PHF2: variants seen among roughly 807,000 people sequenced by gnomAD.
PHF2 encodes the protein PHD finger protein 2.
Under a neutral mutation model 120.5 loss-of-function variants are expected in PHF2, and 27 were observed. That is an observed-to-expected ratio of 0.22 (90% confidence interval 0.17 to 0.31). The LOEUF is 0.31. Ranked by LOEUF, PHF2 falls within the 10% of genes least tolerant of loss-of-function variation. PHF2 has a pLI of 1.00. For missense variants in PHF2, 1,024 were observed against 1,434.8 expected (o/e 0.71, Z 4.63); for synonymous variants, 568 against 592.5 (o/e 0.96, Z 0.60).
intron 1 of PHF2, among the ~76,000 whole-genome samples, chr9:93,614,947 A>G (rs1441565029): frequency 6.7e-6 from 1 of 149,356 alleles, no homozygotes; most frequent in East Asian, 2.0e-4. Context: ...GGCAATGGTG[A>G]TGATGATGGT....
Position 93,663,619 on chromosome 9 carries a change from A to T in PHF2, c.1921A>T (p.Asn641Tyr), listed in dbSNP as rs1336386241. Residue 641 changes from asparagine to tyrosine, a missense_variant, in exon 14 of 22, where the codon AAC becomes TAC. Physicochemically the swap from Asn to Tyr is moderately radical, Grantham distance 143. Transcript: ENST00000359246. ...CAATAAGTTCTCTTTTTCTTTCTCCAACAAGAAACTCCTCGGGTATGTGAG... is the reference window on the plus strand; with the variant it reads ...CAATAAGTTCTCTTTTTCTTTCTCCTACAAGAAACTCCTCGGGTATGTGAG... ...KDNKFSFSFS[N>Y]KKLLGSKALR... 2 of 1,610,602 alleles carry T rather than the reference A, an allele frequency of 1.2e-6. No homozygotes were observed. The highest frequency in any genetic ancestry group is 1.1e-5 in the South Asian group (1 of 90,698).
At chr9:93,620,859 A>G (rs1244973909) in intron 1 of PHF2, among the ~76,000 whole-genome samples, 3 of 152,250 alleles carry the variant, frequency 2.0e-5, no homozygotes, top group Non-Finnish European at 2.9e-5. Flanking sequence ...AGAAAGCCCT[A>G]ATTCTGGTAC....
intron 3 of PHF2, among the ~76,000 whole-genome samples, chr9:93,643,477 CT>C (rs1826201807): frequency 6.6e-6 from 1 of 152,214 alleles, no homozygotes; most frequent in African/African-American, 2.4e-5. Flanking sequence ...CTAGTCCCCC[CT>C]GGTTTATCCT....
chr9:93,588,751 C>T (rs374087893), intron 1 of PHF2, among the ~76,000 whole-genome samples: 5 of 152,140 alleles, frequency 3.3e-5, no homozygotes, highest in South Asian at 2.1e-4. Context: ...ATTAGCTGAG[C>T]GTGTTGGTGG....
At chr9:93,670,188 A>G (rs758923875) in intron 17 of PHF2, among the ~76,000 whole-genome samples, 1 of 152,154 alleles carries the variant, frequency 6.6e-6, no homozygotes, top group Non-Finnish European at 1.5e-5. Flanking sequence ...GAGCAGAGGG[A>G]GAGGACGGCA....
chr9:93,620,609 G>C (rs1232539818), intron 1 of PHF2, among the ~76,000 whole-genome samples: 1 of 152,212 alleles, frequency 6.6e-6, no homozygotes, highest in Non-Finnish European at 1.5e-5. Context: ...AGGGGTTGAG[G>C]TTGGTTTTTT....
intron 1 of PHF2, among the ~76,000 whole-genome samples, chr9:93,624,648 T>TTGGTGATGGTGTTGG (rs1825879047): frequency 6.7e-6 from 1 of 149,498 alleles, no homozygotes; most frequent in Non-Finnish European, 1.5e-5. Flanking sequence ...TGTGGCAATG[T>TTGGTGATGGTGTTGG]TGGTGATGGT....
In PHF2 at chr9:93,655,960, G is replaced by A; in HGVS notation, c.979G>A (p.Val327Met). 1 of 1,612,858 alleles carries A rather than the reference G, an allele frequency of 6.2e-7. No individual in the cohort carries two copies. Among genetic ancestry groups the A allele is most frequent in the East Asian group, 2.2e-5 (1 of 44,850 alleles). ...CTGGATCTACGCCACACTCACCCCT[G>A]TGGACTGCCTGGCCTTCGCGGGACA... Reference protein sequence around the residue: ...SGWIYATLTPVDCLAFAGHFL... With the variant: ...SGWIYATLTPMDCLAFAGHFL... Residue 327 changes from valine (V) to methionine (M), a missense_variant, in exon 8 of 22, where the codon GTG becomes ATG. Physicochemically the swap from Val to Met is conservative, Grantham distance 21. Transcript: ENST00000359246.
chr9:93,642,347 G>A (rs550128933), intron 3 of PHF2, among the ~76,000 whole-genome samples: 6 of 152,352 alleles, frequency 3.9e-5, no homozygotes, highest in African/African-American at 1.4e-4. Flanking sequence ...TGTGGAATCT[G>A]TAGATTAGTT....
intron 7 of PHF2, among the ~76,000 whole-genome samples, chr9:93,655,016 G>A (rs527720879): frequency 6.6e-6 from 1 of 152,314 alleles, no homozygotes; most frequent in South Asian, 2.1e-4. Context: ...TAAGACAATA[G>A]TAGGGGACAT....
intron 12 of PHF2, among the ~76,000 whole-genome samples, chr9:93,662,452 T>G (rs1587714574): frequency 6.7e-6 from 1 of 148,584 alleles, no homozygotes; most frequent in Admixed American, 6.7e-5. Flanking sequence ...AATGGATGGG[T>G]AGATGGATAA....
At chr9:93,617,395 GGCT>G (rs1825746346) in intron 1 of PHF2, among the ~76,000 whole-genome samples, 6 of 152,194 alleles carry the variant, frequency 3.9e-5, no homozygotes, top group Admixed American at 3.9e-4. Flanking sequence ...TCCCCTCTGG[GGCT>G]GCCCTTGCCT....
intron 1 of PHF2, 23 bp downstream of exon 1, chr9:93,576,894 GCT>G (rs751942521): frequency 8.9e-7 from 1 of 1,118,502 alleles, no homozygotes; most frequent in South Asian, 1.8e-5. Flanking sequence ...CGGCTGCTCG[GCT>G]CGGCCCGGCC....
At chr9:93,593,105 A>AAAAG (rs1554790885) in intron 1 of PHF2, among the ~76,000 whole-genome samples, 2 of 122,716 alleles carry the variant, frequency 1.6e-5, no homozygotes, top group Non-Finnish European at 3.3e-5. Flanking sequence ...AAAAAAAAAA[A>AAAAG]AAAAAAGAAA....
intron 5 of PHF2, among the ~76,000 whole-genome samples, chr9:93,650,423 C>T (rs1190787895): frequency 1.3e-5 from 2 of 152,170 alleles, no homozygotes; most frequent in Admixed American, 1.3e-4. Context: ...TGCACACACC[C>T]GTGTAGACGC....
At chr9:93,655,084 C>T (rs75781370) in intron 7 of PHF2, among the ~76,000 whole-genome samples, 6,554 of 152,260 alleles carry the variant, frequency 0.043, 459 homozygotes, top group African/African-American at 0.15. Flanking sequence ...CCCTAGATGA[C>T]GTTAGAACAA....
At chr9:93,634,364 C>T (rs1212222879) in intron 2 of PHF2, among the ~76,000 whole-genome samples, 1 of 152,128 alleles carries the variant, frequency 6.6e-6, no homozygotes, top group East Asian at 1.9e-4. Flanking sequence ...AACTCCTTTA[C>T]CCTCTGGGCT....
chr9:93,665,409 G>A (rs1470337499), intron 14 of PHF2, among the ~76,000 whole-genome samples: 2 of 152,250 alleles, frequency 1.3e-5, no homozygotes, highest in African/African-American at 4.8e-5. Context: ...AGGCCATGGG[G>A]TTGGGGAGTG....
chr9:93,654,612 C>A, intron 7 of PHF2, 37 bp downstream of exon 7: 1 of 1,592,834 alleles, frequency 6.3e-7, no homozygotes, highest in African/African-American at 1.3e-5. Context: ...TGTACTAGGG[C>A]TTGCCGGCCC....
Sources: allele counts gnomAD v4.1 joint callset (sites outside exome capture counted in the v4.1 genomes callset), GRCh38; gene constraint gnomAD v4.1.1; transcripts MANE v1.5; gene names NCBI Gene and HGNC (gene_info 2026-07-23, HGNC 2026-07-21).